Variants in RYR2 observed in about 807,000 individuals in gnomAD.
The protein encoded by RYR2 is cardiac muscle ryanodine receptor-calcium release channel.
RYR2 carries 227 observed loss-of-function variants against 601.1 expected under a neutral mutation model. The ratio of observed to expected loss-of-function variants is 0.38; its 90% CI spans 0.34 to 0.42. RYR2 has a LOEUF of 0.42. RYR2 is among the 10% of genes least tolerant of loss of function. The probability of loss-of-function intolerance (pLI) is 1.00; values close to 1 mark genes in which losing one functional copy is unlikely to be tolerated. For missense variants in RYR2, 4,646 were observed against 6,156.5 expected, an observed-to-expected ratio of 0.75 and a Z score of 8.21; for synonymous variants, 2,223 against 2,175.1, an observed-to-expected ratio of 1.02 and a Z score of -0.61.
At chr1:237,196,421 ATC>A in intron 1 of RYR2, among the ~76,000 whole-genome samples, 1 of 152,234 alleles carries the variant, frequency 6.6e-6, no homozygotes, top group East Asian at 1.9e-4. Flanking sequence ...TAAAATGACA[ATC>A]TCTAATTTAA....
chr1:237,155,717 T>C (rs997787801), intron 1 of RYR2, among the ~76,000 whole-genome samples: 27 of 152,208 alleles, frequency 1.8e-4, no homozygotes, highest in African/African-American at 6.3e-4. Context: ...TATGCAGTTA[T>C]ATATCTCATT....
chr1:237,697,938 C>T (rs1687635673), intron 63 of RYR2, among the ~76,000 whole-genome samples: 1 of 152,088 alleles, frequency 6.6e-6, no homozygotes, highest in Admixed American at 6.6e-5. Flanking sequence ...TTATTTGTAT[C>T]ATATCACTAA....
chr1:237,069,470 A>G (rs1214080021), intron 1 of RYR2, among the ~76,000 whole-genome samples: 1 of 152,114 alleles, frequency 6.6e-6, no homozygotes, highest in Non-Finnish European at 1.5e-5. Context: ...GGACTTTTGT[A>G]TTGGACTTAA....
Position 237,650,127 on chromosome 1 carries a change from T to C in RYR2, c.7733+30T>C. Reference sequence around the variant, plus strand: ...GTGGATAACAAATTCTATTCCGGCTTCTTCTTTAAAAAACAGAATTTACAA... The same window carrying C: ...GTGGATAACAAATTCTATTCCGGCTCCTTCTTTAAAAAACAGAATTTACAA... On this transcript the variant is annotated intron_variant, in intron 50 of 104. Transcript: ENST00000366574. 6.3e-6 allele frequency: 10 copies of C among 1,582,356 alleles called. No individual in the cohort carries two copies. The South Asian group carries it at 1.1e-4, about 18-fold the overall frequency.
At chr1:237,465,372 T>C (rs1659956502) in intron 16 of RYR2, among the ~76,000 whole-genome samples, 1 of 152,172 alleles carries the variant, frequency 6.6e-6, no homozygotes, top group African/African-American at 2.4e-5. Context: ...TATAAACTTA[T>C]ATAATATTTT....
intron 1 of RYR2, among the ~76,000 whole-genome samples, chr1:237,151,103 C>G (rs1273561043): frequency 1.3e-5 from 2 of 152,040 alleles, no homozygotes; most frequent in African/African-American, 4.8e-5. Context: ...AATCATGGTG[C>G]TGTTAGGAAA....
At chr1:237,066,983 CT>C (rs1663722629) in intron 1 of RYR2, among the ~76,000 whole-genome samples, 1 of 152,144 alleles carries the variant, frequency 6.6e-6, no homozygotes. Context: ...GTTTGCCTAT[CT>C]TCTAAATGGA....
intron 6 of RYR2, among the ~76,000 whole-genome samples, chr1:237,373,928 C>A (rs943733618): frequency 7.9e-5 from 12 of 152,196 alleles, no homozygotes; most frequent in African/African-American, 2.9e-4. Flanking sequence ...AACTGTCAGA[C>A]TACATTGTAC....
intron 1 of RYR2, among the ~76,000 whole-genome samples, chr1:237,169,288 C>CTT (rs527578394): frequency 9.2e-6 from 1 of 108,428 alleles, no homozygotes; most frequent in South Asian, 3.5e-4. Flanking sequence ...GTGTGATTGC[C>CTT]TTTTTTTTTT....
At chr1:237,345,179 G>A (rs548100721) in intron 3 of RYR2, among the ~76,000 whole-genome samples, 2 of 152,036 alleles carry the variant, frequency 1.3e-5, no homozygotes, top group Admixed American at 6.6e-5. Context: ...GATTATTGTG[G>A]GTCTTTTGCC....
chr1:237,631,838 C>A (rs368577726), intron 42 of RYR2, among the ~76,000 whole-genome samples: 1 of 147,768 alleles, frequency 6.8e-6, no homozygotes. Context: ...CTGTGTTAGC[C>A]AGGATGGTCT....
At chr1:237,276,504 TTAA>T (rs1310310771) in intron 2 of RYR2, among the ~76,000 whole-genome samples, 1 of 152,110 alleles carries the variant, frequency 6.6e-6, no homozygotes, top group East Asian at 1.9e-4. Context: ...CAAAATGGTA[TTAA>T]TAAAGATAAG....
chr1:237,474,097 G>A (rs1217061723), intron 17 of RYR2, among the ~76,000 whole-genome samples: 1 of 151,896 alleles, frequency 6.6e-6, no homozygotes, highest in African/African-American at 2.4e-5. Flanking sequence ...ACAGGTGCAG[G>A]AAGCTGAGCT....
chr1:237,190,830 A>G (rs935064540), intron 1 of RYR2, among the ~76,000 whole-genome samples: 1 of 152,194 alleles, frequency 6.6e-6, no homozygotes, highest in Non-Finnish European at 1.5e-5. Flanking sequence ...GGATGACTAT[A>G]TAAGATTTGC....
At chr1:237,432,882 T>C (rs978848174) in intron 12 of RYR2, among the ~76,000 whole-genome samples, 1 of 151,736 alleles carries the variant, frequency 6.6e-6, no homozygotes, top group African/African-American at 2.4e-5. Context: ...TGTTGTTTTT[T>C]TTTTTTTACC....
chr1:237,125,222 A>G (rs1192375838), intron 1 of RYR2, among the ~76,000 whole-genome samples: 1 of 152,048 alleles, frequency 6.6e-6, no homozygotes, highest in East Asian at 1.9e-4. Flanking sequence ...GTCACTGTGG[A>G]GAAGGTATTT....
At chr1:237,589,743 C>G in intron 29 of RYR2, 50 bp from the exon 30 acceptor site, 2 of 1,543,086 alleles carry the variant, frequency 1.3e-6, no homozygotes, top group Non-Finnish European at 1.8e-6. Context: ...TCTATACTAA[C>G]AGGATCATAT....
chr1:237,670,332 A>AGGGAGAC (rs1558186116), intron 58 of RYR2, among the ~76,000 whole-genome samples: 3 of 92,490 alleles, frequency 3.2e-5, no homozygotes, highest in Non-Finnish European at 6.2e-5. Context: ...GGAGAGGGAG[A>AGGGAGAC]GGGAGACGGG....
chr1:237,090,049 G>A (rs1233767511), intron 1 of RYR2, among the ~76,000 whole-genome samples: 2 of 152,224 alleles, frequency 1.3e-5, no homozygotes, highest in Non-Finnish European at 2.9e-5. Context: ...GAGAGAATGA[G>A]TGCTGAGTGA....
Sources: gnomAD v4.1 joint callset for allele counts (sites outside exome capture counted in the v4.1 genomes callset) on GRCh38, gnomAD v4.1.1 for gene constraint, MANE v1.5 for transcripts, NCBI Gene and HGNC (gene_info 2026-07-23, HGNC 2026-07-21) for gene names.